The following PLA2G6 variants were observed in gnomAD, a reference collection of about 807,000 sequenced individuals.
The protein encoded by PLA2G6 is phospholipase A2 group VI, also known as 85/88 kDa calcium-independent phospholipase A2.
Under a neutral mutation model 83.8 loss-of-function variants are expected in PLA2G6, and 62 were observed. The ratio of observed to expected loss-of-function variants is 0.74; its 90% CI spans 0.60 to 0.91. The LOEUF is 0.91. PLA2G6 is among the 40% of genes least tolerant of loss of function. The pLI, the probability that PLA2G6 is intolerant of heterozygous loss-of-function variation, is 0.00. For missense variants in PLA2G6, 944 were observed against 1,102.0 expected (o/e 0.86, Z 2.03); for synonymous variants, 417 against 449.8 (o/e 0.93, Z 0.92).
chr22:38,113,837 C>T (rs761495010), intron 14 of PLA2G6, 183 bp from the exon 15 acceptor site: 18 of 696,416 alleles, frequency 2.6e-5, no homozygotes, highest in Non-Finnish European at 3.7e-5. Flanking sequence ...GACCCCAGAA[C>T]GGCTGGTGCG....
chr22:38,166,814 G>A (rs1052961443), intron 2 of PLA2G6, among the ~76,000 whole-genome samples: 5 of 152,178 alleles, frequency 3.3e-5, no homozygotes, highest in Non-Finnish European at 5.9e-5. Flanking sequence ...CACTGATTCT[G>A]TTTCTTCACT....
In PLA2G6 at chr22:38,132,706, T is replaced by C; in HGVS notation, c.1077+125A>G. The C allele has an allele frequency of 1.1e-6, 1 of 885,244 alleles. No individual in the cohort carries two copies. Among genetic ancestry groups the C allele is most frequent in the Admixed American group, 2.2e-5 (1 of 45,364 alleles). 54.8% of individuals were successfully genotyped at this position (885,244 alleles called of 1,614,324 possible). On this transcript the variant is annotated intron_variant, in intron 7 of 16. Transcript: ENST00000332509. The surrounding 1 kb of genome is among the most constrained non-coding windows in gnomAD (Gnocchi z 5.0). ...GTCAGGGTCTGAACTGAGCTTTGGGTGGGAAGATGATTTGGAGCAGCTGAC... is the reference window on the plus strand; with the variant it reads ...GTCAGGGTCTGAACTGAGCTTTGGGCGGGAAGATGATTTGGAGCAGCTGAC...
At chr22:38,122,954 C>G in intron 11 of PLA2G6, 141 bp downstream of exon 11, 2 of 847,630 alleles carry the variant, frequency 2.4e-6, no homozygotes, top group Non-Finnish European at 3.8e-6. Flanking sequence ...GCACCTGCAG[C>G]CCCGCCCCTG....
At chr22:38,126,597 A>C in intron 9 of PLA2G6, 148 bp from the exon 10 acceptor site, 1 of 678,268 alleles carries the variant, frequency 1.5e-6, no homozygotes, top group Non-Finnish European at 2.7e-6. Context: ...CCTTCCCCAC[A>C]GGAAGGACTC....
chr22:38,174,181 A>G (rs889716320), intron 1 of PLA2G6, among the ~76,000 whole-genome samples: 9 of 152,176 alleles, frequency 5.9e-5, no homozygotes, highest in East Asian at 1.9e-4. Flanking sequence ...CGGATCACGA[A>G]ATCAGGAGAT....
At chr22:38,154,421 T>C (rs1187842768) in intron 2 of PLA2G6, among the ~76,000 whole-genome samples, 1 of 152,162 alleles carries the variant, frequency 6.6e-6, no homozygotes, top group African/African-American at 2.4e-5. Context: ...ACTCCACTTT[T>C]AGGGGAGAAA....
intron 4 of PLA2G6, 22 bp downstream of exon 4, chr22:38,143,083 C>T (rs367561964): frequency 6.8e-6 from 11 of 1,611,662 alleles, no homozygotes; most frequent in Non-Finnish European, 9.3e-6. Context: ...GTACCAGTCA[C>T]CCTGCCCCTC....
In PLA2G6 at chr22:38,128,153, C is replaced by G; in HGVS notation, c.1348+116G>C. On this transcript the variant is annotated intron_variant, in intron 9 of 16. Coordinates refer to ENST00000332509, the MANE Select transcript of PLA2G6 (RefSeq NM_003560.4). This position sits in a 1 kb window ranked among gnomAD's most constrained non-coding sequence, Gnocchi z 4.4. ...AGGCTGACAACTCCGGCCCCATCCTCCCCGGCTTCCTTTAGTGACTTCCGT... is the reference window on the plus strand; with the variant it reads ...AGGCTGACAACTCCGGCCCCATCCTGCCCGGCTTCCTTTAGTGACTTCCGT... The G allele has an allele frequency of 8.7e-7, 1 of 1,144,182 alleles. No individual in the cohort carries two copies. Among genetic ancestry groups the G allele is most frequent in the South Asian group, 1.3e-5 (1 of 76,716 alleles). The allele number at this position is 1,144,182 out of a possible 1,614,324, so 70.9% of individuals were successfully genotyped here. A position where few individuals can be genotyped will look rare whatever the true frequency, so the allele number is the denominator to read the frequency against.
At chr22:38,127,834 G>C (rs934090758) in intron 9 of PLA2G6, among the ~76,000 whole-genome samples, 1 of 152,178 alleles carries the variant, frequency 6.6e-6, no homozygotes, top group South Asian at 2.1e-4. Flanking sequence ...GCCAGGAAGG[G>C]GGCACACAGG....
chr22:38,117,305 C>T (rs1391695326), intron 12 of PLA2G6, among the ~76,000 whole-genome samples: 1 of 152,144 alleles, frequency 6.6e-6, no homozygotes. Context: ...CTCCCGGGTT[C>T]ACGCCATTCT....
At chr22:38,160,253 T>G (rs6001031) in intron 2 of PLA2G6, among the ~76,000 whole-genome samples, 61,331 of 151,922 alleles carry the variant, frequency 0.4, 12,727 homozygotes, top group South Asian at 0.49. Context: ...ACAGAAGATA[T>G]GAAGTAACAG....
At chr22:38,119,464 C>A (rs964701771) in intron 12 of PLA2G6, among the ~76,000 whole-genome samples, 2 of 152,202 alleles carry the variant, frequency 1.3e-5, no homozygotes, top group Non-Finnish European at 2.9e-5. Context: ...AAAGGCAGAT[C>A]TAGAGAGCTT....
At chr22:38,135,345 G>A in intron 5 of PLA2G6, 1 of 473,086 alleles carries the variant, frequency 2.1e-6, no homozygotes. Flanking sequence ...GAGTCAGATG[G>A]GCTTGAAGTC....
chr22:38,145,270 C>A, intron 3 of PLA2G6, 168 bp downstream of exon 3: 1 of 688,744 alleles, frequency 1.5e-6, no homozygotes, highest in Non-Finnish European at 2.6e-6. Flanking sequence ...CTCAAGTGAT[C>A]CTCCCTCCTC....
In PLA2G6 at chr22:38,120,836, G is replaced by A. The variant is rs770478201; in HGVS notation, c.1665C>T (p.Tyr555=). Residue 555 remains tyrosine (Y), a synonymous_variant, in exon 12 of 17, where the codon TAC becomes TAT. Transcript: ENST00000332509. ...KDEVFRGSRP[Y]ESGPLEEFLK... ...GGAACTCCTCCAGGGGCCCCGACTC[G>A]TAGGGCCTGGAGCCCCGGAACACCT... is the stretch of plus-strand genomic sequence containing the variant. The A allele has an allele frequency of 2.2e-5, 36 of 1,613,766 alleles. No homozygotes were observed. In the Admixed American group the frequency reaches 3.5e-4, roughly 16 times the overall value.
intron 2 of PLA2G6, chr22:38,150,328 T>C (rs546904891): frequency 1.3e-5 from 2 of 152,340 alleles, no homozygotes; most frequent in South Asian, 2.1e-4. Context: ...CCAGCCATCA[T>C]GCCTCAAGGA....
chr22:38,116,357 C>T (rs1209072962), intron 12 of PLA2G6, 146 bp from the exon 13 acceptor site: 2 of 874,734 alleles, frequency 2.3e-6, no homozygotes, highest in Non-Finnish European at 3.8e-6. Flanking sequence ...CCGCACCATC[C>T]CCGCAAAACA....
chr22:38,148,362 A>G, intron 2 of PLA2G6: 1 of 604,334 alleles, frequency 1.7e-6, no homozygotes, highest in Non-Finnish European at 2.9e-6. Context: ...CAGAACTTCC[A>G]CTTTCCATTA....
At chr22:38,131,807 G>A (rs547554119) in intron 7 of PLA2G6, 17 of 266,174 alleles carry the variant, frequency 6.4e-5, no homozygotes, top group East Asian at 1.3e-4. Context: ...ACGTGCACAC[G>A]GTGGGGCGCG....
Sources: allele counts gnomAD v4.1 joint callset (sites outside exome capture counted in the v4.1 genomes callset), GRCh38; gene constraint gnomAD v4.1.1; non-coding constraint Gnocchi (gnomAD v3.1); transcripts MANE v1.5; gene names NCBI Gene and HGNC (gene_info 2026-07-23, HGNC 2026-07-21).